ERBB4: variants seen among roughly 807,000 people sequenced by gnomAD.
ERBB4 encodes the protein receptor tyrosine-protein kinase erbB-4.
ERBB4 carries 42 observed loss-of-function variants against 158.0 expected under a neutral mutation model. That is an observed-to-expected ratio of 0.27 (90% CI 0.21 to 0.34). ERBB4 has a LOEUF of 0.34. Ranked by LOEUF, ERBB4 falls within the 10% of genes least tolerant of loss-of-function variation. The pLI is 1.00. For synonymous variants in ERBB4, 583 were observed against 558.7 expected (o/e 1.04, Z -0.61); for missense variants, 1,333 against 1,624.1 (o/e 0.82, Z 3.08).
intron 25 of ERBB4, among the ~76,000 whole-genome samples, chr2:211,408,872 T>C (rs922286571): frequency 6.6e-6 from 1 of 152,248 alleles, no homozygotes; most frequent in Admixed American, 6.5e-5. Flanking sequence ...ACTGTTCAGC[T>C]GTCACTTATT....
intron 3 of ERBB4, among the ~76,000 whole-genome samples, chr2:211,929,143 T>C (rs1385767912): frequency 1.3e-5 from 2 of 152,226 alleles, no homozygotes; most frequent in African/African-American, 4.8e-5. Context: ...TCTCAAATTC[T>C]GGATATGCAA....
chr2:211,700,977 G>C (rs2073213882), intron 12 of ERBB4, among the ~76,000 whole-genome samples: 1 of 152,174 alleles, frequency 6.6e-6, no homozygotes, highest in African/African-American at 2.4e-5. Flanking sequence ...ATGTAGGAAA[G>C]AGTAGTATTC....
At chr2:211,637,955 A>G (rs1175784350) in intron 16 of ERBB4, among the ~76,000 whole-genome samples, 1 of 151,886 alleles carries the variant, frequency 6.6e-6, no homozygotes, top group Non-Finnish European at 1.5e-5. Flanking sequence ...ACATAAATTT[A>G]TTTAGGGGTT....
At chr2:212,039,339 G>C (rs1313033928) in intron 2 of ERBB4, among the ~76,000 whole-genome samples, 1 of 152,074 alleles carries the variant, frequency 6.6e-6, no homozygotes, top group Non-Finnish European at 1.5e-5. Context: ...AATAGCACTA[G>C]TTTCCTTTTT....
intron 20 of ERBB4, among the ~76,000 whole-genome samples, chr2:211,444,320 G>A (rs1235801347): frequency 6.6e-6 from 1 of 151,954 alleles, no homozygotes; most frequent in Non-Finnish European, 1.5e-5. Context: ...GGATGACTAT[G>A]TATTCATTAG....
At chr2:211,642,276 G>A (rs1248598221) in intron 16 of ERBB4, among the ~76,000 whole-genome samples, 2 of 152,008 alleles carry the variant, frequency 1.3e-5, no homozygotes, top group Non-Finnish European at 2.9e-5. Context: ...AAATCAAAAA[G>A]TAATTTCTTA....
chr2:212,175,607 A>ATTT (rs772882128), intron 1 of ERBB4, among the ~76,000 whole-genome samples: 1,521 of 134,170 alleles, frequency 0.011, 14 homozygotes, highest in Middle Eastern at 0.024. Flanking sequence ...CAGAATATGT[A>ATTT]TTTTTTTTTT....
At chr2:211,790,106 A>G (rs2076247969) in intron 3 of ERBB4, among the ~76,000 whole-genome samples, 1 of 152,090 alleles carries the variant, frequency 6.6e-6, no homozygotes, top group African/African-American at 2.4e-5. Flanking sequence ...AGACGTAAGA[A>G]AGATTGTGAA....
At chr2:212,434,579 A>G (rs1464130470) in intron 1 of ERBB4, among the ~76,000 whole-genome samples, 1 of 151,954 alleles carries the variant, frequency 6.6e-6, no homozygotes, top group Non-Finnish European at 1.5e-5. Context: ...CACAGAGTCA[A>G]GAGATACCAC....
At chr2:212,260,550 C>T (rs1382860777) in intron 1 of ERBB4, among the ~76,000 whole-genome samples, 8 of 152,244 alleles carry the variant, frequency 5.3e-5, no homozygotes, top group Non-Finnish European at 1.2e-4. Flanking sequence ...CAGTGGCTCA[C>T]GCCTGTAATC....
intron 2 of ERBB4, among the ~76,000 whole-genome samples, chr2:212,055,521 C>A (rs1575573977): frequency 6.6e-6 from 1 of 152,358 alleles, no homozygotes; most frequent in East Asian, 1.9e-4. Flanking sequence ...AACTGGGAGG[C>A]ACCCTCCAGT....
chr2:211,857,158 T>TC (rs879461897), intron 3 of ERBB4, among the ~76,000 whole-genome samples: 3 of 137,138 alleles, frequency 2.2e-5, no homozygotes, highest in Non-Finnish European at 5.0e-5. Context: ...TCTGTGTGTG[T>TC]TTGTGTGTGT....
At chr2:211,694,893 GA>G (rs2072957445) in intron 12 of ERBB4, among the ~76,000 whole-genome samples, 1 of 152,102 alleles carries the variant, frequency 6.6e-6, no homozygotes, top group Non-Finnish European at 1.5e-5. Flanking sequence ...GGGAGCAGGA[GA>G]AAGTAAGAAA....
intron 1 of ERBB4, among the ~76,000 whole-genome samples, chr2:212,183,718 G>A (rs895366308): frequency 3.3e-5 from 5 of 151,944 alleles, no homozygotes; most frequent in Non-Finnish European, 7.4e-5. Flanking sequence ...GTACTAACAT[G>A]AAAGAACATT....
intron 1 of ERBB4, among the ~76,000 whole-genome samples, chr2:212,320,523 A>C (rs1005242449): frequency 1.2e-4 from 18 of 148,970 alleles, no homozygotes; most frequent in African/African-American, 3.9e-4. Context: ...AGAAAAAAAA[A>C]AACAACACAA....
intron 19 of ERBB4, among the ~76,000 whole-genome samples, chr2:211,613,802 C>A (rs1276428397): frequency 1.3e-5 from 2 of 151,908 alleles, no homozygotes; most frequent in Non-Finnish European, 2.9e-5. Context: ...AAAAGGGAAC[C>A]CTCATACACT....
chr2:211,701,724 C>G (rs561529355), intron 12 of ERBB4, among the ~76,000 whole-genome samples: 1 of 128,274 alleles, frequency 7.8e-6, no homozygotes, highest in South Asian at 2.4e-4. Context: ...CCACTGCACT[C>G]TAGCCTGGGG....
intron 1 of ERBB4, among the ~76,000 whole-genome samples, chr2:212,249,285 A>T (rs1481233204): frequency 2.0e-5 from 3 of 151,998 alleles, no homozygotes; most frequent in Non-Finnish European, 4.4e-5. Flanking sequence ...TGTATTATTT[A>T]TTCATACATA....
chr2:211,745,429 A>T (rs2074935364), intron 5 of ERBB4, among the ~76,000 whole-genome samples: 1 of 152,128 alleles, frequency 6.6e-6, no homozygotes, highest in Non-Finnish European at 1.5e-5. Context: ...AGAGGACAGG[A>T]ATGAATGTCA....
Sources: allele counts gnomAD v4.1 joint callset (sites outside exome capture counted in the v4.1 genomes callset), GRCh38; gene constraint gnomAD v4.1.1; transcripts MANE v1.5; gene names NCBI Gene and HGNC (gene_info 2026-07-23, HGNC 2026-07-21).